The following TTLL5 variants were observed in gnomAD, a reference collection of about 807,000 sequenced individuals.
TTLL5 encodes the protein tubulin polyglutamylase TTLL5.
TTLL5 carries 132 observed loss-of-function variants against 168.4 expected under a neutral mutation model. The observed-to-expected ratio is 0.78, with a 90% confidence interval of 0.68 to 0.91. The LOEUF (loss-of-function observed/expected upper bound fraction) is 0.91. Ranked by LOEUF, TTLL5 falls within the 40% of genes least tolerant of loss-of-function variation. The pLI, the probability that TTLL5 is intolerant of heterozygous loss-of-function variation, is 0.00. For missense variants in TTLL5, 1,545 were observed against 1,581.5 expected (o/e 0.98, Z 0.39); for synonymous variants, 546 against 558.6 (o/e 0.98, Z 0.32).
chr14:75,906,374 C>G (rs528945311), intron 31 of TTLL5, among the ~76,000 whole-genome samples: 2 of 152,246 alleles, frequency 1.3e-5, no homozygotes, highest in East Asian at 3.9e-4. Flanking sequence ...TTGGGTTGAT[C>G]ACCCACTTTT....
rs1889490547 is a variant in TTLL5, at chr14:75,744,706, C to T, written c.1282-389C>T. On this transcript the variant is annotated intron_variant, in intron 15 of 31. Transcript: ENST00000298832. ...GTTCATCTCCTGTGCTAAAAATATA[C>T]CCACTGAAATAAATACACATTTATT... The T allele has an allele frequency of 1.9e-5, 3 of 155,990 alleles. No homozygotes were observed. In the South Asian group the frequency reaches 5.9e-4, roughly 30 times the overall value. 9.7% of individuals were successfully genotyped at this position (155,990 alleles called of 1,614,324 possible). A position where few individuals can be genotyped will look rare whatever the true frequency, so the allele number is the denominator to read the frequency against.
Position 75,783,434 on chromosome 14 carries a change from C to T in TTLL5, c.2890C>T (p.Arg964Ter), listed in dbSNP as rs777359273. The T allele has an allele frequency of 6.8e-6, 11 of 1,614,078 alleles. No individual in the cohort carries two copies. Among genetic ancestry groups the T allele is most frequent in the East Asian group, 2.2e-5 (1 of 44,894 alleles). ...AAGCCCTACTGGCCTGCCACGCTGT[C>T]GATCAGGAAGTCACACCATTGGTCC... ...IPSPTGLPRC[R>*]SGSHTIGPFS... The change falls in exon 26 of 32, where the codon CGA becomes TGA. Residue 964 changes from arginine (R) to a stop codon, truncating the protein, a stop_gained. Transcript: ENST00000298832. LOFTEE classifies it high-confidence loss of function.
rs749275707 is a variant in TTLL5 at position 75,764,610 on chromosome 14, C to T, written c.1551-5C>T. ...GCCATAGCTACCATGTTGCTTTTCC[C>T]CTAGAATGACTGCTGATGGAGCGCC... On this transcript the variant is annotated splice_polypyrimidine_tract_variant and splice_region_variant and intron_variant, in intron 18 of 31. Transcript: ENST00000298832. The T allele has an allele frequency of 6.2e-7, 1 of 1,613,874 alleles. No homozygotes were observed. Among genetic ancestry groups the T allele is most frequent in the Admixed American group, 1.7e-5 (1 of 60,008 alleles).
chr14:75,818,671 T>G (rs1894640574), intron 27 of TTLL5: 1 of 196,042 alleles, frequency 5.1e-6, no homozygotes. Flanking sequence ...TTTTTTTTTT[T>G]TGTATTTTTA....
intron 30 of TTLL5, among the ~76,000 whole-genome samples, chr14:75,897,933 A>G (rs757433461): frequency 5.9e-5 from 9 of 152,208 alleles, no homozygotes; most frequent in South Asian, 2.1e-4. Context: ...AAGAAGAACA[A>G]TTAAGGACTA....
chr14:75,822,214 G>C (rs1270104630), intron 28 of TTLL5, among the ~76,000 whole-genome samples: 2 of 152,190 alleles, frequency 1.3e-5, no homozygotes, highest in African/African-American at 4.8e-5. Context: ...GTCTCTTGTT[G>C]TTCCTCCTTT....
intron 18 of TTLL5, among the ~76,000 whole-genome samples, chr14:75,756,662 C>G (rs568498801): frequency 6.6e-6 from 1 of 152,022 alleles, no homozygotes; most frequent in South Asian, 2.1e-4. Context: ...CCCATGACAC[C>G]ACACCTGGCT....
rs35336374 is a variant in TTLL5, at chr14:75,850,406, CA to C, written c.3327-13239del. Among the ~76,000 whole-genome samples the C allele has an allele frequency of 8.8e-3, 807 of 91,236 alleles. 4 individuals are homozygous for C. Among genetic ancestry groups the C allele is most frequent in the East Asian group, 0.019 (56 of 2,994 alleles). 59.9% of individuals were successfully genotyped at this position (91,236 alleles called of 152,430 possible). ...GGGCAGCAAGAGTGAAACTCCGTCT[CA>C]AAAAAAAAAAAAAAAAAAAAATTGG... On this transcript the variant is annotated intron_variant, in intron 28 of 31. Coordinates refer to ENST00000298832, the MANE Select transcript of TTLL5 (RefSeq NM_015072.5).
At chr14:75,669,320 G>A in intron 2 of TTLL5, 96 bp from the exon 3 acceptor site, 3 of 1,107,666 alleles carry the variant, frequency 2.7e-6, no homozygotes, top group Non-Finnish European at 3.9e-6. Flanking sequence ...CCAGAAGGAA[G>A]GGGAAACTTG....
chr14:75,849,314 A>G (rs990194412), intron 28 of TTLL5, among the ~76,000 whole-genome samples: 4 of 152,110 alleles, frequency 2.6e-5, no homozygotes, highest in Non-Finnish European at 5.9e-5. Flanking sequence ...TCCTACCCAT[A>G]TTCTTAATCT....
intron 3 of TTLL5, 48 bp downstream of exon 3, chr14:75,669,570 C>T (rs183181391): frequency 7.8e-6 from 12 of 1,530,720 alleles, no homozygotes; most frequent in Admixed American, 3.8e-5. Context: ...ATGGCCCAGA[C>T]GTCCTTGTCT....
At chr14:75,782,975 T>C (rs1417613252) in intron 25 of TTLL5, among the ~76,000 whole-genome samples, 172 bp from the exon 26 acceptor site, 1 of 152,198 alleles carries the variant, frequency 6.6e-6, no homozygotes, top group Non-Finnish European at 1.5e-5. Context: ...TTGTTTCTGG[T>C]AGGCAAAAAT....
At chr14:75,743,441 G>C (rs1020452979) in intron 15 of TTLL5, among the ~76,000 whole-genome samples, 3 of 151,678 alleles carry the variant, frequency 2.0e-5, no homozygotes, top group African/African-American at 7.3e-5. Flanking sequence ...CGGCAAGATA[G>C]GCTTCATTCT....
chr14:75,876,707 A>T (rs577537878), intron 29 of TTLL5, among the ~76,000 whole-genome samples: 47 of 152,368 alleles, frequency 3.1e-4, no homozygotes, highest in Middle Eastern at 3.4e-3. Context: ...CTCAGCACCC[A>T]GTCTTGTCCC....
At chr14:75,733,410 C>T (rs953152040) in intron 13 of TTLL5, among the ~76,000 whole-genome samples, 4 of 152,022 alleles carry the variant, frequency 2.6e-5, no homozygotes, top group African/African-American at 9.7e-5. Context: ...TTTTTGTTTT[C>T]ATGTGGGTTC....
chr14:75,926,880 A>T (rs1012073504), intron 31 of TTLL5, among the ~76,000 whole-genome samples: 1 of 152,260 alleles, frequency 6.6e-6, no homozygotes. Flanking sequence ...TAGCAACATT[A>T]TTCATAATAG....
intron 27 of TTLL5, among the ~76,000 whole-genome samples, chr14:75,809,397 C>T (rs892570383): frequency 6.6e-6 from 1 of 152,104 alleles, no homozygotes; most frequent in Admixed American, 6.5e-5. Flanking sequence ...GTGATAGCCC[C>T]ACATTAGGCT....
At chr14:75,724,678 G>A (rs902801285) in intron 12 of TTLL5, among the ~76,000 whole-genome samples, 2 of 152,270 alleles carry the variant, frequency 1.3e-5, no homozygotes, top group Non-Finnish European at 2.9e-5. Context: ...CAGAAGATGG[G>A]TTTTGGCAAT....
At chr14:75,802,572 T>G (rs924350457) in intron 27 of TTLL5, among the ~76,000 whole-genome samples, 9 of 152,256 alleles carry the variant, frequency 5.9e-5, no homozygotes, top group African/African-American at 1.9e-4. Context: ...AACTTTTTAT[T>G]TCATTGTGTT....
Sources: gnomAD v4.1 joint callset for allele counts (sites outside exome capture counted in the v4.1 genomes callset) on GRCh38, gnomAD v4.1.1 for gene constraint, MANE v1.5 for transcripts, NCBI Gene and HGNC (gene_info 2026-07-23, HGNC 2026-07-21) for gene names.